OPRD1: variants seen among roughly 807,000 people sequenced by gnomAD.
OPRD1 encodes opioid receptor delta 1.
OPRD1 carries 19 observed loss-of-function variants against 17.5 expected under a neutral mutation model. The observed-to-expected ratio is 1.09, with a 90% CI of 0.76 to 1.60. The LOEUF (loss-of-function observed/expected upper bound fraction) is 1.60, where lower values mean the gene tolerates loss of function less well. OPRD1 is among the 40% of genes most tolerant of loss of function. OPRD1 has a pLI of 0.00. For synonymous variants in OPRD1, 256 were observed against 240.9 expected, an observed-to-expected ratio of 1.06 and a Z score of -0.58; for missense variants, 483 against 547.2, an observed-to-expected ratio of 0.88 and a Z score of 1.17.
chr1:28,820,167 C>T (rs924688557), intron 1 of OPRD1, among the ~76,000 whole-genome samples: 6 of 150,268 alleles, frequency 4.0e-5, no homozygotes, highest in Admixed American at 2.6e-4. Flanking sequence ...ATTTGATTGA[C>T]ATTTATCGAG....
intron 1 of OPRD1, among the ~76,000 whole-genome samples, chr1:28,823,148 G>A (rs887726239): frequency 6.6e-6 from 1 of 151,314 alleles, no homozygotes; most frequent in Admixed American, 6.6e-5. Flanking sequence ...TTTGTCTCTG[G>A]CCAGGAAGGG....
intron 1 of OPRD1, among the ~76,000 whole-genome samples, chr1:28,848,062 GA>G (rs1206371499): frequency 6.6e-6 from 1 of 151,998 alleles, no homozygotes. Context: ...ATCTGGCCAA[GA>G]TGGTGAAACC....
intron 2 of OPRD1, among the ~76,000 whole-genome samples, chr1:28,860,006 A>G (rs11803721): frequency 0.016 from 2,391 of 152,298 alleles, 69 homozygotes; most frequent in African/African-American, 0.054. Context: ...TGGTTTCTGA[A>G]TCTTCTACTG....
At position 28,868,229 on chromosome 1, in the gene OPRD1, C is replaced by T. The variant is rs1557583272; in HGVS notation, c.*4946C>T. On this transcript the variant is annotated 3_prime_UTR_variant, in exon 3 of 3. Transcript: ENST00000234961. ...AAGCTAACTGGCTGTGTGACCTAGA[C>T]AAGGGATTTGCCTTCTCTGAGCTTC... 1.3e-5 allele frequency: 2 copies of T among 152,206 alleles called. No individual in the cohort carries two copies. Among genetic ancestry groups the T allele is most frequent in the Admixed American group, 1.3e-4 (2 of 15,282 alleles). The allele number at this position is 152,206 out of a possible 1,614,324, so 9.4% of individuals were successfully genotyped here.
intron 1 of OPRD1, among the ~76,000 whole-genome samples, chr1:28,834,158 C>T (rs947655902): frequency 3.9e-5 from 6 of 152,082 alleles, no homozygotes; most frequent in African/African-American, 1.4e-4. Context: ...GTGATCCGCC[C>T]ACCTCGGCCT....
At chr1:28,834,164 G>A (rs1044585293) in intron 1 of OPRD1, among the ~76,000 whole-genome samples, 2 of 151,940 alleles carry the variant, frequency 1.3e-5, no homozygotes, top group African/African-American at 4.8e-5. Flanking sequence ...CGCCCACCTC[G>A]GCCTCCCAAA....
rs770174225 is a variant in OPRD1 at position 28,863,263 on chromosome 1, G to A, written c.1099G>A (p.Gly367Ser). ...CGCCTGCACCCCGTCCGATGGTCCCGGCGGTGGCGCTGCCGCCTGACCAGG... is the reference window on the plus strand; with the variant it reads ...CGCCTGCACCCCGTCCGATGGTCCCAGCGGTGGCGCTGCCGCCTGACCAGG... Reference protein sequence around the residue: ...VTACTPSDGPGGGAAA With the variant: ...VTACTPSDGPSGGAAA The change falls in exon 3 of 3, where the codon GGC (glycine) becomes AGC (serine). Residue 367 changes from glycine (G) to serine (S), a missense_variant. By Grantham distance (56) the Gly-to-Ser change is moderately conservative (BLOSUM62 0). Coordinates refer to ENST00000234961, the MANE Select transcript of OPRD1 (RefSeq NM_000911.4). The A allele has an allele frequency of 3.4e-6, 5 of 1,470,238 alleles. No individual in the cohort carries two copies. Among genetic ancestry groups the A allele is most frequent in the Middle Eastern group, 1.9e-4 (1 of 5,376 alleles). 91.1% of individuals were successfully genotyped at this position (1,470,238 alleles called of 1,614,324 possible).
intron 1 of OPRD1, among the ~76,000 whole-genome samples, chr1:28,819,403 C>T (rs916525796): frequency 6.6e-6 from 1 of 152,158 alleles, no homozygotes; most frequent in African/African-American, 2.4e-5. Flanking sequence ...TTGGTCTTGC[C>T]TGGAGCCTGC....
At chr1:28,828,796 C>A (rs910148410) in intron 1 of OPRD1, among the ~76,000 whole-genome samples, 9 of 151,730 alleles carry the variant, frequency 5.9e-5, no homozygotes, top group African/African-American at 2.2e-4. Context: ...TTGAGACCAG[C>A]CTGACCAACA....
intron 1 of OPRD1, among the ~76,000 whole-genome samples, chr1:28,858,140 T>G: frequency 1.7e-5 from 2 of 120,776 alleles, no homozygotes; most frequent in African/African-American, 3.3e-5. Flanking sequence ...TGAGACGGAG[T>G]CTCGCTTCTG....
intron 1 of OPRD1, among the ~76,000 whole-genome samples, chr1:28,822,509 C>T (rs960679239): frequency 6.6e-6 from 1 of 151,732 alleles, no homozygotes; most frequent in African/African-American, 2.4e-5. Flanking sequence ...TAGACGGAGT[C>T]TCATTCTGTT....
At chr1:28,856,424 C>T (rs755616950) in intron 1 of OPRD1, among the ~76,000 whole-genome samples, 11 of 152,200 alleles carry the variant, frequency 7.2e-5, no homozygotes, top group Non-Finnish European at 1.0e-4. Flanking sequence ...CAGGCTCTTC[C>T]GGTAATTCTG....
rs1229001519 is a variant in OPRD1, at chr1:28,862,889, G to A, written c.725G>A (p.Ser242Asn). The change falls in exon 3 of 3, where the codon AGT becomes AAT. Residue 242 changes from serine (S) to asparagine (N), a missense_variant. Ser to Asn is a conservative substitution (Grantham distance 46). Transcript: ENST00000234961. Reference protein sequence around the residue: ...CYGLMLLRLRSVRLLSGSKEK... With the variant: ...CYGLMLLRLRNVRLLSGSKEK... Reference sequence around the variant, plus strand: ...GGCCTCATGCTGCTGCGCCTGCGCAGTGTGCGCCTGCTGTCGGGCTCCAAG... The same window carrying A: ...GGCCTCATGCTGCTGCGCCTGCGCAATGTGCGCCTGCTGTCGGGCTCCAAG... 1 of 1,612,566 alleles carries A rather than the reference G, an allele frequency of 6.2e-7. No individual in the cohort carries two copies. Among genetic ancestry groups the A allele is most frequent in the Non-Finnish European group, 8.5e-7 (1 of 1,180,030 alleles).
chr1:28,813,468 GA>G (rs2088648979), intron 1 of OPRD1, among the ~76,000 whole-genome samples: 1 of 152,182 alleles, frequency 6.6e-6, no homozygotes, highest in Non-Finnish European at 1.5e-5. Context: ...AGAGGCAGCA[GA>G]GGTTGGTCTG....
At chr1:28,825,342 A>G (rs1465016141) in intron 1 of OPRD1, among the ~76,000 whole-genome samples, 1 of 152,144 alleles carries the variant, frequency 6.6e-6, no homozygotes, top group African/African-American at 2.4e-5. Flanking sequence ...AAAGTGAGAG[A>G]GAGGCAGGGA....
At chr1:28,827,884 C>G (rs2088778914) in intron 1 of OPRD1, among the ~76,000 whole-genome samples, 1 of 152,132 alleles carries the variant, frequency 6.6e-6, no homozygotes, top group Non-Finnish European at 1.5e-5. Context: ...GCCACCATGT[C>G]TGGCTAATTT....
intron 1 of OPRD1, among the ~76,000 whole-genome samples, chr1:28,841,514 T>C (rs929608962): frequency 2.7e-4 from 41 of 152,202 alleles, no homozygotes; most frequent in Admixed American, 4.6e-4. Context: ...TTAGCTCATT[T>C]GTAGGATGAG....
rs1229871451 is a variant in OPRD1, at chr1:28,866,273, C to T, written c.*2990C>T. 1 of 152,240 alleles carries T rather than the reference C, an allele frequency of 6.6e-6. No individual in the cohort carries two copies. Among genetic ancestry groups the T allele is most frequent in the Non-Finnish European group, 1.5e-5 (1 of 68,060 alleles). 9.4% of individuals were successfully genotyped at this position (152,240 alleles called of 1,614,324 possible). On this transcript the variant is annotated 3_prime_UTR_variant, in exon 3 of 3. Transcript: ENST00000234961. Reference sequence around the variant, plus strand: ...TGCCTTTTCTAGCTTTTCACTAAAACACATGTTTGTCGCAGTTCTGTAAGA... The same window carrying T: ...TGCCTTTTCTAGCTTTTCACTAAAATACATGTTTGTCGCAGTTCTGTAAGA...
intron 1 of OPRD1, among the ~76,000 whole-genome samples, chr1:28,834,730 T>C (rs1053859273): frequency 1.3e-5 from 2 of 152,146 alleles, no homozygotes; most frequent in African/African-American, 4.8e-5. Context: ...ATTTGGTCTG[T>C]AGAGTTGTTG....
Sources: gnomAD v4.1 joint callset for allele counts (sites outside exome capture counted in the v4.1 genomes callset) on GRCh38, gnomAD v4.1.1 for gene constraint, MANE v1.5 for transcripts, NCBI Gene and HGNC (gene_info 2026-07-23, HGNC 2026-07-21) for gene names.